PTPRM: variants seen among roughly 807,000 people sequenced by gnomAD.
The protein encoded by PTPRM is protein tyrosine phosphatase receptor type M.
A neutral mutation model predicts 186.7 loss-of-function variants in PTPRM; 47 were observed. The observed-to-expected ratio is 0.25, with a 90% confidence interval of 0.20 to 0.32. The LOEUF is 0.32. Ranked by LOEUF, PTPRM falls within the 10% of genes least tolerant of loss-of-function variation. The pLI, the probability that PTPRM is intolerant of heterozygous loss-of-function variation, is 1.00. For synonymous variants in PTPRM, 668 were observed against 674.9 expected (o/e 0.99, Z 0.16); for missense variants, 1,494 against 1,865.0 (o/e 0.80, Z 3.66).
At chr18:7,958,790 C>T (rs1294017106) in intron 7 of PTPRM, among the ~76,000 whole-genome samples, 3 of 152,068 alleles carry the variant, frequency 2.0e-5, no homozygotes, top group Non-Finnish European at 2.9e-5. Context: ...TCCAAAAATC[C>T]GAGCAAAGGG....
chr18:8,211,399 T>G lies in PTPRM; in HGVS notation c.2301-32659T>G, dbSNP rs867483528. Among the ~76,000 whole-genome samples, 995 of 140,502 alleles carry G rather than the reference T, an allele frequency of 7.1e-3. 13 individuals are homozygous for G. The highest frequency in any genetic ancestry group is 0.024 in the African/African-American group (913 of 37,458). The allele number at this position is 140,502 out of a possible 152,430, so 92.2% of individuals were successfully genotyped here. A position where few individuals can be genotyped will look rare whatever the true frequency, so the allele number is the denominator to read the frequency against. On this transcript the variant is annotated intron_variant, in intron 14 of 32. Coordinates refer to ENST00000580170, the MANE Select transcript of PTPRM (RefSeq NM_001105244.2). Reference sequence around the variant, plus strand: ...CTTCTTTTTTTTTTTTTTTTTTTTTTTTTGTTTGTTTCTAAGACAGAGTCT... The same window carrying G: ...CTTCTTTTTTTTTTTTTTTTTTTTTGTTTGTTTGTTTCTAAGACAGAGTCT...
intron 3 of PTPRM, among the ~76,000 whole-genome samples, chr18:7,899,984 A>G (rs2146483635): frequency 6.6e-6 from 1 of 151,810 alleles, no homozygotes; most frequent in East Asian, 2.0e-4. Flanking sequence ...TCTCATTGCT[A>G]GAATGTGAGG....
At chr18:7,619,772 C>T (rs975340594) in intron 1 of PTPRM, among the ~76,000 whole-genome samples, 3 of 152,158 alleles carry the variant, frequency 2.0e-5, no homozygotes, top group African/African-American at 7.2e-5. Flanking sequence ...TCTCCTCCTG[C>T]GCATAGAGTA....
chr18:8,055,015 T>C (rs1043230977), intron 7 of PTPRM, among the ~76,000 whole-genome samples: 1 of 152,176 alleles, frequency 6.6e-6, no homozygotes, highest in East Asian at 1.9e-4. Flanking sequence ...GCCATTACTT[T>C]GTAGGTGATG....
Position 8,398,899 on chromosome 18 carries a change from G to A in PTPRM, c.4344+4288G>A, listed in dbSNP as rs78950393. On this transcript the variant is annotated intron_variant, in intron 32 of 32. Coordinates refer to ENST00000580170, the MANE Select transcript of PTPRM (RefSeq NM_001105244.2). ...AGAGTAGTGGCTGCTGAGGGCTGGG[G>A]GAGGGAGATGGGGGTGACTGCTGAT... Among the ~76,000 whole-genome samples the A allele has an allele frequency of 8.7e-3, 1,328 of 152,284 alleles. 17 individuals carry two copies. Among genetic ancestry groups the A allele is most frequent in the African/African-American group, 0.03 (1,252 of 41,540 alleles).
intron 1 of PTPRM, among the ~76,000 whole-genome samples, chr18:7,676,029 G>A (rs2039327899): frequency 6.6e-6 from 1 of 152,104 alleles, no homozygotes; most frequent in Non-Finnish European, 1.5e-5. Flanking sequence ...GAGCCACTGT[G>A]CCCGGCCTTT....
intron 7 of PTPRM, among the ~76,000 whole-genome samples, chr18:7,989,787 C>T (rs921189712): frequency 1.3e-5 from 2 of 152,132 alleles, no homozygotes; most frequent in Non-Finnish European, 2.9e-5. Context: ...CCACCATCTG[C>T]TCTCATACTC....
At chr18:8,352,815 C>T (rs1343451342) in intron 23 of PTPRM, among the ~76,000 whole-genome samples, 2 of 151,930 alleles carry the variant, frequency 1.3e-5, no homozygotes, top group Admixed American at 1.3e-4. Context: ...GGATTACAGG[C>T]ACCCACCACT....
At chr18:7,650,765 C>T (rs2038682313) in intron 1 of PTPRM, among the ~76,000 whole-genome samples, 1 of 151,746 alleles carries the variant, frequency 6.6e-6, no homozygotes, top group African/African-American at 2.4e-5. Flanking sequence ...CATTATAAAA[C>T]ACACATGGGT....
At chr18:7,715,225 T>C (rs1341520512) in intron 1 of PTPRM, among the ~76,000 whole-genome samples, 4 of 152,148 alleles carry the variant, frequency 2.6e-5, no homozygotes, top group Admixed American at 6.5e-5. Context: ...ATAAACGTAA[T>C]CCATTACATA....
At chr18:7,656,889 G>A (rs1477513634) in intron 1 of PTPRM, among the ~76,000 whole-genome samples, 1 of 151,998 alleles carries the variant, frequency 6.6e-6, no homozygotes, top group Admixed American at 6.6e-5. Context: ...TTTATCTTGT[G>A]CAGTCATCTG....
At chr18:7,978,237 T>C (rs138204996) in intron 7 of PTPRM, among the ~76,000 whole-genome samples, 1 of 152,288 alleles carries the variant, frequency 6.6e-6, no homozygotes, top group East Asian at 1.9e-4. Flanking sequence ...AAAACTGACA[T>C]GAACCAAGTG....
intron 2 of PTPRM, among the ~76,000 whole-genome samples, chr18:7,836,745 A>AT (rs1049963253): frequency 6.6e-5 from 10 of 152,014 alleles, no homozygotes; most frequent in Non-Finnish European, 1.2e-4. Context: ...TTTGAAGAAT[A>AT]TTTTTTTCCA....
intron 19 of PTPRM, among the ~76,000 whole-genome samples, chr18:8,278,148 A>G (rs2094858080): frequency 6.6e-6 from 1 of 152,210 alleles, no homozygotes; most frequent in African/African-American, 2.4e-5. Flanking sequence ...ATTGATCTCA[A>G]ATGGATCTAA....
chr18:8,137,693 C>G (rs1246532842), intron 13 of PTPRM, among the ~76,000 whole-genome samples: 1 of 152,200 alleles, frequency 6.6e-6, no homozygotes, highest in Non-Finnish European at 1.5e-5. Context: ...CACCCCCAGC[C>G]CCTGCTCCAG....
intron 30 of PTPRM, 58 bp downstream of exon 30, chr18:8,384,744 G>A: frequency 6.3e-7 from 1 of 1,596,734 alleles, no homozygotes; most frequent in Non-Finnish European, 8.6e-7. Context: ...CTCACTCACT[G>A]AATACTTGGA....
chr18:7,624,468 T>A (rs2038011837), intron 1 of PTPRM, among the ~76,000 whole-genome samples: 1 of 152,112 alleles, frequency 6.6e-6, no homozygotes, highest in African/African-American at 2.4e-5. Context: ...GCAAGTTTCT[T>A]AACCTCTTTG....
chr18:8,253,388 G>T lies in PTPRM; in HGVS notation c.2728G>T (p.Gly910Cys). ...QHITQMKCAE[G>C]YGFKEEYESF... ...CATCACACAGATGAAGTGTGCGGAG[G>T]GCTACGGCTTCAAGGAGGAATACGA... The change falls in exon 19 of 33, where the codon GGC becomes TGC. Residue 910 changes from glycine (G) to cysteine (C), a missense_variant. Coordinates refer to ENST00000580170, the MANE Select transcript of PTPRM (RefSeq NM_001105244.2). 4.5e-6 allele frequency: 7 copies of T among 1,548,066 alleles called. No homozygotes were observed. Among genetic ancestry groups the T allele is most frequent in the Non-Finnish European group, 6.1e-6 (7 of 1,147,926 alleles).
rs185232060 is a variant in PTPRM, at chr18:7,713,185, T to C, written c.74-60964T>C. ...ACAGTGGATCTCTCTGCAGAAACCC[T>C]ACAATCCAGAAGAGGGTGGGGGCCA... is the stretch of plus-strand genomic sequence containing the variant. On this transcript the variant is annotated intron_variant, in intron 1 of 32. Transcript: ENST00000580170. Among the ~76,000 whole-genome samples, 372 of 152,286 alleles carry C rather than the reference T, an allele frequency of 2.4e-3. 2 individuals are homozygous for C. The highest frequency in any genetic ancestry group is 8.4e-3 in the African/African-American group (348 of 41,564).
Sources: gnomAD v4.1 joint callset for allele counts (sites outside exome capture counted in the v4.1 genomes callset) on GRCh38, gnomAD v4.1.1 for gene constraint, MANE v1.5 for transcripts, NCBI Gene and HGNC (gene_info 2026-07-23, HGNC 2026-07-21) for gene names.